SCIN: variants seen among roughly 807,000 people sequenced by gnomAD.
The protein encoded by SCIN is scinderin, also known as adseverin.
Under a neutral mutation model 91.8 loss-of-function variants are expected in SCIN, and 91 were observed. The ratio of observed to expected loss-of-function variants is 0.99; its 90% CI spans 0.84 to 1.18. The LOEUF is 1.18. Ranked by LOEUF, SCIN falls within the 50% of genes most tolerant of loss-of-function variation. The pLI is 0.00. For synonymous variants in SCIN, 367 were observed against 312.6 expected, an observed-to-expected ratio of 1.17 and a Z score of -1.84; for missense variants, 1,087 against 863.9, an observed-to-expected ratio of 1.26 and a Z score of -3.24.
In SCIN at chr7:12,640,394, C is replaced by T. The variant is rs761481323; in HGVS notation, c.1458C>T (p.Phe486=). 6.2e-7 allele frequency: 1 copy of T among 1,612,956 alleles called. No individual in the cohort carries two copies. The highest frequency in any genetic ancestry group is 1.1e-5 in the South Asian group (1 of 90,898). Residue 486 remains phenylalanine, a synonymous_variant, in exon 11 of 16, where the codon TTC becomes TTT. Transcript: ENST00000297029. ...GKEPVHLLSL[F]KDKPLIIYKN... Reference sequence around the variant, plus strand: ...AGCCTGTTCACCTACTGAGTTTGTTCAAAGACAAACCGCTCATTATTTACA... The same window carrying T: ...AGCCTGTTCACCTACTGAGTTTGTTTAAAGACAAACCGCTCATTATTTACA...
In SCIN at chr7:12,651,340, TC is replaced by T. The variant is rs1784074502; in HGVS notation, c.1960-499del. On this transcript the variant is annotated intron_variant, in intron 14 of 15. Coordinates refer to ENST00000297029, the MANE Select transcript of SCIN (RefSeq NM_001112706.3). This position sits in a 1 kb window ranked among gnomAD's most constrained non-coding sequence, Gnocchi z 5.9. ...CGAAAAGGGAGGGCCTCAAAGAAAG[TC>T]CGGCTGCACCACTGCAGATTCTCTA... Among the ~76,000 whole-genome samples, 1 of 152,182 alleles carries T rather than the reference TC, an allele frequency of 6.6e-6. No homozygotes were observed. The highest frequency in any genetic ancestry group is 1.5e-5 in the Non-Finnish European group (1 of 68,024).
At chr7:12,587,421 G>C (rs766185687) in intron 3 of SCIN, among the ~76,000 whole-genome samples, 1 of 152,170 alleles carries the variant, frequency 6.6e-6, no homozygotes, top group Non-Finnish European at 1.5e-5. Flanking sequence ...TATAACCTTC[G>C]TTGAGGTGTA....
intron 3 of SCIN, among the ~76,000 whole-genome samples, chr7:12,584,237 C>G (rs953654079): frequency 6.6e-6 from 1 of 152,200 alleles, no homozygotes; most frequent in Non-Finnish European, 1.5e-5. Flanking sequence ...AGTAATTGCG[C>G]TAGTTATCCA....
rs1032952779 is a variant in SCIN, at chr7:12,581,245, A to T, written c.516+24A>T. 6 of 1,545,250 alleles carry T rather than the reference A, an allele frequency of 3.9e-6. No individual in the cohort carries two copies. In the African/African-American group the frequency reaches 5.5e-5, roughly 14 times the overall value. On this transcript the variant is annotated intron_variant, in intron 3 of 15. Coordinates refer to ENST00000297029, the MANE Select transcript of SCIN (RefSeq NM_001112706.3). ...CCGTAAGTTTCATATATACACATCG[A>T]TGTCTAAAGAAAAGTGAATTGCTTT...
chr7:12,639,801 T>G (rs747043653), intron 10 of SCIN, among the ~76,000 whole-genome samples: 1 of 152,096 alleles, frequency 6.6e-6, no homozygotes, highest in Non-Finnish European at 1.5e-5. Context: ...ATAGCAATCT[T>G]TGTGTGTGTG....
intron 1 of SCIN, among the ~76,000 whole-genome samples, chr7:12,576,762 C>T (rs931991022): frequency 7.9e-5 from 12 of 152,084 alleles, no homozygotes; most frequent in Non-Finnish European, 1.6e-4. Context: ...CCTCTCTAAG[C>T]CTCCATTTTC....
chr7:12,603,885 G>A (rs1783015848), intron 3 of SCIN, among the ~76,000 whole-genome samples: 1 of 140,342 alleles, frequency 7.1e-6, no homozygotes, highest in Admixed American at 7.6e-5. Context: ...TAATTACATA[G>A]CAACGAAAAC....
chr7:12,587,051 A>T (rs950040349), intron 3 of SCIN, among the ~76,000 whole-genome samples: 1 of 152,196 alleles, frequency 6.6e-6, no homozygotes, highest in African/African-American at 2.4e-5. Context: ...ACAATAATTT[A>T]TTGTATATTT....
Position 12,655,040 on chromosome 7 carries a change from T to G in SCIN, c.*2325T>G, listed in dbSNP as rs1335037307. ...CGGGAGATTGGCTCGAGGAACCCCA[T>G]GGATACCAACATCCTTGAATGCTCA... On this transcript the variant is annotated 3_prime_UTR_variant, in exon 16 of 16. Transcript: ENST00000297029. The G allele has an allele frequency of 6.6e-6, 1 of 152,206 alleles. No individual in the cohort carries two copies. Among genetic ancestry groups the G allele is most frequent in the African/African-American group, 2.4e-5 (1 of 41,460 alleles). 9.4% of individuals were successfully genotyped at this position (152,206 alleles called of 1,614,324 possible). A position where few individuals can be genotyped will look rare whatever the true frequency, so the allele number is the denominator to read the frequency against.
At chr7:12,640,209 A>C (rs928092520) in intron 10 of SCIN, 138 bp from the exon 11 acceptor site, 4 of 672,762 alleles carry the variant, frequency 5.9e-6, no homozygotes, top group Admixed American at 8.2e-5. Context: ...TGTTCTGTTA[A>C]TCATCATTCC....
intron 10 of SCIN, among the ~76,000 whole-genome samples, chr7:12,638,047 C>T (rs1024061118): frequency 6.6e-6 from 1 of 152,176 alleles, no homozygotes; most frequent in Admixed American, 6.5e-5. Flanking sequence ...AACTGCTCCT[C>T]CTTTTATATT....
chr7:12,627,994 C>T (rs191076066), intron 8 of SCIN, among the ~76,000 whole-genome samples: 28 of 151,964 alleles, frequency 1.8e-4, no homozygotes, highest in African/African-American at 5.3e-4. Flanking sequence ...AGCAAAGAGT[C>T]TGCCCTTCCC....
chr7:12,640,577 C>G lies in SCIN; in HGVS notation c.1581+60C>G, dbSNP rs1783839269. On this transcript the variant is annotated intron_variant, in intron 11 of 15. Transcript: ENST00000297029. ...TATGGACTTCCCAATGGACCTGAGCCATCAGCAAATATTAGACTTTAAAAA... is the reference window on the plus strand; with the variant it reads ...TATGGACTTCCCAATGGACCTGAGCGATCAGCAAATATTAGACTTTAAAAA... 2.1e-6 allele frequency: 3 copies of G among 1,402,664 alleles called. No individual in the cohort carries two copies. In the Admixed American group the frequency reaches 8.7e-5, roughly 41 times the overall value. 86.9% of individuals were successfully genotyped at this position (1,402,664 alleles called of 1,614,324 possible).
intron 4 of SCIN, among the ~76,000 whole-genome samples, chr7:12,614,241 AT>A (rs1783254991): frequency 6.6e-6 from 1 of 152,126 alleles, no homozygotes; most frequent in South Asian, 2.1e-4. Context: ...CTTCCTGTTC[AT>A]TCCTTAATCT....
chr7:12,600,453 C>T (rs555307160), intron 3 of SCIN, among the ~76,000 whole-genome samples: 1 of 152,114 alleles, frequency 6.6e-6, no homozygotes, highest in Non-Finnish European at 1.5e-5. Flanking sequence ...CACTAAAGAA[C>T]TTATTCATCT....
In SCIN at chr7:12,645,915, G is replaced by A. The variant is rs1783957668; in HGVS notation, c.1881+1210G>A. 2.0e-5 allele frequency among the ~76,000 whole-genome samples: 3 copies of A among 152,198 alleles called. No homozygotes were observed. In the South Asian group the frequency reaches 6.2e-4, roughly 31 times the overall value. ...TATGAATATATATGTGGCTAGATGT[G>A]TTAATTTAATAATTTGGCATTTTCT... On this transcript the variant is annotated intron_variant, in intron 13 of 15. Transcript: ENST00000297029.
intron 10 of SCIN, among the ~76,000 whole-genome samples, chr7:12,638,261 C>T (rs1445030987): frequency 6.6e-6 from 1 of 152,286 alleles, no homozygotes; most frequent in South Asian, 2.1e-4. Flanking sequence ...CTTTTTCCTA[C>T]AGCTAGCTGG....
chr7:12,590,986 G>C (rs1234202813), intron 3 of SCIN, among the ~76,000 whole-genome samples: 1 of 152,110 alleles, frequency 6.6e-6, no homozygotes, highest in Non-Finnish European at 1.5e-5. Flanking sequence ...GAGGATCCTG[G>C]CTTCAATTAC....
At chr7:12,600,908 T>A (rs767784456) in intron 3 of SCIN, among the ~76,000 whole-genome samples, 6 of 152,186 alleles carry the variant, frequency 3.9e-5, no homozygotes, top group Non-Finnish European at 5.9e-5. Flanking sequence ...AGCCCTTTAT[T>A]TTTACTCTTT....
Sources: allele counts gnomAD v4.1 joint callset (sites outside exome capture counted in the v4.1 genomes callset), GRCh38; gene constraint gnomAD v4.1.1; non-coding constraint Gnocchi (gnomAD v3.1); transcripts MANE v1.5; gene names NCBI Gene and HGNC (gene_info 2026-07-23, HGNC 2026-07-21).